Variants in TMCO5A observed in about 807,000 individuals in gnomAD.
The protein encoded by TMCO5A is transmembrane and coiled-coil domains 5A.
TMCO5A carries 34 observed loss-of-function variants against 42.3 expected under a neutral mutation model. The observed-to-expected ratio is 0.80, with a 90% CI of 0.61 to 1.07. TMCO5A has a LOEUF of 1.07. TMCO5A is among the 50% of genes least tolerant of loss of function. The probability of loss-of-function intolerance (pLI) is 0.00; values close to 1 mark genes in which losing one functional copy is unlikely to be tolerated. For missense variants in TMCO5A, 357 were observed against 327.9 expected (o/e 1.09, Z -0.69); for synonymous variants, 131 against 115.6 (o/e 1.13, Z -0.86).
the TMCO5A span, among the ~76,000 whole-genome samples, chr15:38,016,946 G>A: frequency 1.2e-4 from 18 of 151,930 alleles, no homozygotes; most frequent in Non-Finnish European, 1.9e-4. Context: ...CTAAAGAACA[G>A]ATTATGAACA....
chr15:37,952,418 G>GC (rs1444524223), downstream of TMCO5A, among the ~76,000 whole-genome samples: 1 of 152,054 alleles, frequency 6.6e-6, no homozygotes, highest in Non-Finnish European at 1.5e-5. Flanking sequence ...GAGTCATGAG[G>GC]CCCCCTTTCC....
At chr15:38,027,084 G>A in the TMCO5A span, among the ~76,000 whole-genome samples, 1 of 152,152 alleles carries the variant, frequency 6.6e-6, no homozygotes, top group Non-Finnish European at 1.5e-5. Context: ...TCCCTCCTGG[G>A]GCACTGCCTA....
chr15:37,981,172 T>C, the TMCO5A span, among the ~76,000 whole-genome samples: 1 of 135,566 alleles, frequency 7.4e-6, no homozygotes, highest in Non-Finnish European at 1.5e-5. Flanking sequence ...AAAGTACAAA[T>C]TTCTGCTCAG....
chr15:37,941,526 A>C (rs1889739462), intron 7 of TMCO5A, 145 bp from the exon 8 acceptor site: 1 of 699,480 alleles, frequency 1.4e-6, no homozygotes, highest in South Asian at 1.9e-5. Flanking sequence ...AAGGAAATAC[A>C]TTTATCTGTA....
the TMCO5A span, among the ~76,000 whole-genome samples, chr15:38,036,490 TCTCTCTCACA>T: frequency 3.1e-3 from 259 of 84,378 alleles, no homozygotes; most frequent in African/African-American, 0.016. Flanking sequence ...TTTGTCTCTC[TCTCTCTCACA>T]CACACACACA....
At chr15:38,031,638 C>T in the TMCO5A span, among the ~76,000 whole-genome samples, 4 of 152,166 alleles carry the variant, frequency 2.6e-5, no homozygotes, top group Admixed American at 2.0e-4. Flanking sequence ...GCAGATCCTC[C>T]AACCCCAGTC....
chr15:38,019,191 C>T, the TMCO5A span, among the ~76,000 whole-genome samples: 1 of 152,086 alleles, frequency 6.6e-6, no homozygotes, highest in Admixed American at 6.6e-5. Flanking sequence ...CAGTAAAATC[C>T]TTGAGTCAAA....
the TMCO5A span, among the ~76,000 whole-genome samples, chr15:37,976,984 C>A: frequency 6.6e-6 from 1 of 151,964 alleles, no homozygotes; most frequent in Non-Finnish European, 1.5e-5. Flanking sequence ...GTTGACCAGG[C>A]TGGTCTCAAA....
At chr15:38,027,929 G>A in the TMCO5A span, among the ~76,000 whole-genome samples, 1 of 152,038 alleles carries the variant, frequency 6.6e-6, no homozygotes, top group South Asian at 2.1e-4. Context: ...CCAGACATGT[G>A]GAACTGTAAG....
At chr15:37,952,923 G>C (rs367757590), downstream of TMCO5A, among the ~76,000 whole-genome samples, 1 of 152,334 alleles carries the variant, frequency 6.6e-6, no homozygotes, top group Non-Finnish European at 1.5e-5. Flanking sequence ...GTGGTAGTCC[G>C]GCAGTACTCC....
chr15:37,957,690 T>C (rs547891323), intron 11 of TMCO5A, among the ~76,000 whole-genome samples: 22 of 152,230 alleles, frequency 1.4e-4, no homozygotes, highest in African/African-American at 4.6e-4. Flanking sequence ...GATTCAGTGC[T>C]ATCCCTATCA....
chr15:38,013,456 C>T, the TMCO5A span, among the ~76,000 whole-genome samples: 1 of 152,098 alleles, frequency 6.6e-6, no homozygotes, highest in Admixed American at 6.6e-5. Context: ...CTATCAAGCA[C>T]AACATTAAAG....
chr15:38,027,161 A>T, the TMCO5A span, among the ~76,000 whole-genome samples: 1 of 152,156 alleles, frequency 6.6e-6, no homozygotes, highest in Non-Finnish European at 1.5e-5. Context: ...GACAGCTTGC[A>T]CCATTTGCCT....
the TMCO5A span, among the ~76,000 whole-genome samples, chr15:38,006,529 C>G: frequency 2.6e-5 from 4 of 152,154 alleles, no homozygotes; most frequent in Non-Finnish European, 4.4e-5. Context: ...TAGACAAATA[C>G]AGAATCTAAG....
chr15:37,961,877 T>C (rs1451818922), intron 11 of TMCO5A, among the ~76,000 whole-genome samples: 1 of 152,052 alleles, frequency 6.6e-6, no homozygotes, highest in Non-Finnish European at 1.5e-5. Flanking sequence ...CTGATTTGTG[T>C]ACATTAATCT....
chr15:37,976,244 T>TAA, the TMCO5A span, among the ~76,000 whole-genome samples: 3 of 141,784 alleles, frequency 2.1e-5, no homozygotes, highest in African/African-American at 7.7e-5. Flanking sequence ...GACCCCATCT[T>TAA]AAAAAAAAAA....
At chr15:37,953,263 C>T (rs1412570614), downstream of TMCO5A, among the ~76,000 whole-genome samples, 1 of 152,082 alleles carries the variant, frequency 6.6e-6, no homozygotes, top group African/African-American at 2.4e-5. Context: ...CGGGTAAGAC[C>T]CAGTGCTGTG....
chr15:37,982,038 A>T, the TMCO5A span, among the ~76,000 whole-genome samples: 1 of 152,252 alleles, frequency 6.6e-6, no homozygotes, highest in African/African-American at 2.4e-5. Context: ...CTAGTCATTC[A>T]TGTAAGTAAA....
At chr15:37,936,621 T>C (rs936209291) in intron 3 of TMCO5A, among the ~76,000 whole-genome samples, 158 bp downstream of exon 3, 2 of 152,146 alleles carry the variant, frequency 1.3e-5, no homozygotes. Flanking sequence ...CACTGAAGCA[T>C]AGCAAGTTTC....
Sources: allele counts gnomAD v4.1 joint callset (sites outside exome capture counted in the v4.1 genomes callset), GRCh38; gene constraint gnomAD v4.1.1; transcripts MANE v1.5; gene names NCBI Gene and HGNC (gene_info 2026-07-23, HGNC 2026-07-21).